The following FAT3 variants were observed in gnomAD, a reference collection of about 807,000 sequenced individuals.
FAT3 encodes FAT atypical cadherin 3.
Under a neutral mutation model 310.2 loss-of-function variants are expected in FAT3, and 95 were observed. The ratio of observed to expected loss-of-function variants is 0.31; its 90% CI spans 0.26 to 0.36. The LOEUF (loss-of-function observed/expected upper bound fraction) is 0.36, where lower values mean the gene tolerates loss of function less well. Ranked by LOEUF, FAT3 falls within the 10% of genes least tolerant of loss-of-function variation. The pLI is 1.00. For missense variants in FAT3, 5,408 were observed against 5,715.6 expected (o/e 0.95, Z 1.74); for synonymous variants, 2,314 against 2,192.9 (o/e 1.06, Z -1.54).
chr11:92,281,640 G>T (rs868660138), intron 1 of FAT3, among the ~76,000 whole-genome samples: 42 of 152,246 alleles, frequency 2.8e-4, no homozygotes, highest in Middle Eastern at 6.8e-3. Flanking sequence ...TCAGAGCCTA[G>T]CATAGTAACT....
At chr11:92,406,149 G>T (rs1392180592) in intron 2 of FAT3, among the ~76,000 whole-genome samples, 1 of 151,888 alleles carries the variant, frequency 6.6e-6, no homozygotes, top group Non-Finnish European at 1.5e-5. Context: ...TTCAGTTTTT[G>T]TTTTGATTGA....
intron 3 of FAT3, among the ~76,000 whole-genome samples, chr11:92,599,980 G>A (rs1331936767): frequency 6.6e-6 from 1 of 152,208 alleles, no homozygotes; most frequent in Admixed American, 6.5e-5. Context: ...AGTGTCTTTT[G>A]TGACACTTTA....
chr11:92,772,145 T>A (rs751350351), intron 6 of FAT3, among the ~76,000 whole-genome samples: 2 of 152,110 alleles, frequency 1.3e-5, no homozygotes, highest in East Asian at 1.9e-4. Context: ...CCAAATAATA[T>A]CATGACCCAA....
At chr11:92,351,836 G>A (rs894639455) in intron 1 of FAT3, among the ~76,000 whole-genome samples, 1 of 152,164 alleles carries the variant, frequency 6.6e-6, no homozygotes, top group African/African-American at 2.4e-5. Flanking sequence ...GAACAACGCT[G>A]TCAGTAGTAT....
chr11:92,315,544 GA>G (rs1947435961), intron 1 of FAT3, among the ~76,000 whole-genome samples: 2 of 146,120 alleles, frequency 1.4e-5, no homozygotes, highest in Non-Finnish European at 3.0e-5. Context: ...GAGAGAGAGA[GA>G]GAGAGAGAGA....
At chr11:92,664,932 T>C (rs1314192739) in intron 3 of FAT3, among the ~76,000 whole-genome samples, 1 of 152,158 alleles carries the variant, frequency 6.6e-6, no homozygotes, top group Non-Finnish European at 1.5e-5. Context: ...GGATTACATT[T>C]AATAAAGAAG....
chr11:92,844,088 A>C lies in FAT3; in HGVS notation c.10721A>C (p.His3574Pro). The C allele has an allele frequency of 4.3e-6, 7 of 1,614,034 alleles. No individual in the cohort carries two copies. Among genetic ancestry groups the C allele is most frequent in the Non-Finnish European group, 5.9e-6 (7 of 1,179,906 alleles). ...CCTGGTGGGGTCATTGGGAAGATTCATGCCACAGATCAAGACATGTATGAT... is the reference window on the plus strand; with the variant it reads ...CCTGGTGGGGTCATTGGGAAGATTCCTGCCACAGATCAAGACATGTATGAT... ...DFPGGVIGKI[H>P]ATDQDMYDVL... The change falls in exon 19 of 28, where the codon CAT becomes CCT. Residue 3574 changes from histidine (H) to proline (P), a missense_variant. By Grantham distance (77) the His-to-Pro change is moderately conservative. Coordinates refer to ENST00000525166, the MANE Select transcript of FAT3 (RefSeq NM_001367949.2).
intron 3 of FAT3, among the ~76,000 whole-genome samples, chr11:92,688,044 A>T (rs985129876): frequency 4.0e-5 from 6 of 151,736 alleles, no homozygotes; most frequent in South Asian, 2.1e-4. Context: ...AAAAAAAAAA[A>T]ATTTTTTTAA....
chr11:92,746,842 A>G (rs781410799), intron 4 of FAT3, among the ~76,000 whole-genome samples: 3 of 152,180 alleles, frequency 2.0e-5, no homozygotes, highest in African/African-American at 2.4e-5. Flanking sequence ...AAGTTCCAAA[A>G]TGATCTTCTT....
chr11:92,370,517 G>T (rs1022171598), intron 2 of FAT3, among the ~76,000 whole-genome samples: 1 of 152,068 alleles, frequency 6.6e-6, no homozygotes, highest in Non-Finnish European at 1.5e-5. Flanking sequence ...TACACCTTGA[G>T]GATACTTCTA....
At position 92,857,340 on chromosome 11, in the gene FAT3, A is replaced by T; in HGVS notation, c.11492A>T (p.Glu3831Val). Residue 3831 changes from glutamate to valine, a missense_variant, in exon 20 of 28, where the codon GAG becomes GTG. Transcript: ENST00000525166. Reference protein sequence around the residue: ...LCQCPPGKLGECSGHTSLSFA... With the variant: ...LCQCPPGKLGVCSGHTSLSFA... The stretch of plus-strand genomic sequence containing the variant: ...CAGTGTCCACCAGGGAAGCTCGGAG[A>T]GTGCTCAGGTGCAGAGTGGAGTGGA... 6.2e-7 allele frequency: 1 copy of T among 1,613,996 alleles called. No homozygotes were observed. Among genetic ancestry groups the T allele is most frequent in the Non-Finnish European group, 8.5e-7 (1 of 1,179,884 alleles).
intron 3 of FAT3, among the ~76,000 whole-genome samples, chr11:92,549,267 A>G (rs954676233): frequency 1.3e-5 from 2 of 152,176 alleles, no homozygotes; most frequent in Non-Finnish European, 2.9e-5. Flanking sequence ...AGGGCCAGCA[A>G]TAATCCGTAT....
intron 3 of FAT3, among the ~76,000 whole-genome samples, chr11:92,573,987 G>A (rs639758): frequency 0.74 from 112,804 of 152,090 alleles, 44,097 homozygotes; most frequent in Non-Finnish European, 0.88. Flanking sequence ...GCCACAACTT[G>A]TAACTGGCGT....
At chr11:92,484,430 A>G (rs576551965) in intron 2 of FAT3, among the ~76,000 whole-genome samples, 27 of 152,314 alleles carry the variant, frequency 1.8e-4, no homozygotes, top group Non-Finnish European at 2.9e-4. Flanking sequence ...AATGTCATTG[A>G]TAAGAGTGCC....
chr11:92,482,760 G>A (rs1005114618), intron 2 of FAT3, among the ~76,000 whole-genome samples: 2 of 152,042 alleles, frequency 1.3e-5, no homozygotes, highest in African/African-American at 2.4e-5. Flanking sequence ...CTTTTGTGCC[G>A]ACACCCTTCC....
chr11:92,556,645 A>C (rs973745730), intron 3 of FAT3, among the ~76,000 whole-genome samples: 2 of 152,182 alleles, frequency 1.3e-5, no homozygotes, highest in African/African-American at 4.8e-5. Context: ...GAATACTACA[A>C]GGAACCTTTG....
chr11:92,393,678 T>C (rs1949797382), intron 2 of FAT3, among the ~76,000 whole-genome samples: 1 of 152,208 alleles, frequency 6.6e-6, no homozygotes, highest in African/African-American at 2.4e-5. Context: ...TCCACAATAA[T>C]TGGCAGTGTA....
chr11:92,331,785 G>C (rs1393429294), intron 1 of FAT3, among the ~76,000 whole-genome samples: 3 of 152,162 alleles, frequency 2.0e-5, no homozygotes, highest in Non-Finnish European at 4.4e-5. Context: ...TAGAAAAGTT[G>C]TTGACTAAAA....
At chr11:92,663,364 T>C (rs1942850535) in intron 3 of FAT3, among the ~76,000 whole-genome samples, 1 of 152,148 alleles carries the variant, frequency 6.6e-6, no homozygotes, top group African/African-American at 2.4e-5. Flanking sequence ...TTGCACCTGA[T>C]ACCACAGGCA....
Sources: gnomAD v4.1 joint callset for allele counts (sites outside exome capture counted in the v4.1 genomes callset) on GRCh38, gnomAD v4.1.1 for gene constraint, MANE v1.5 for transcripts, NCBI Gene and HGNC (gene_info 2026-07-23, HGNC 2026-07-21) for gene names.